The following ANKRD26 variants were observed in gnomAD, a reference collection of about 807,000 sequenced individuals.
ANKRD26 encodes ankyrin repeat domain 26.
Under a neutral mutation model 208.7 loss-of-function variants are expected in ANKRD26, and 141 were observed. The observed-to-expected ratio is 0.68, with a 90% CI of 0.59 to 0.78. The LOEUF is 0.78. ANKRD26 is among the 30% of genes least tolerant of loss of function. ANKRD26 has a pLI of 0.00. For missense variants in ANKRD26, 1,889 were observed against 1,938.7 expected, an observed-to-expected ratio of 0.97 and a Z score of 0.48; for synonymous variants, 636 against 660.4, an observed-to-expected ratio of 0.96 and a Z score of 0.57.
rs535746916 is a variant in ANKRD26 at position 27,029,697 on chromosome 10, C to T, written c.3808-341G>A. Among the ~76,000 whole-genome samples the T allele has an allele frequency of 6.6e-5, 10 of 152,182 alleles. No homozygotes were observed. The East Asian group carries it at 1.9e-3, about 29-fold the overall frequency. On this transcript the variant is annotated intron_variant, in intron 25 of 33. Coordinates refer to ENST00000376087, the MANE Select transcript of ANKRD26 (RefSeq NM_014915.3). ...AAAATGTAGAAAGATAGGAAATTAC[C>T]TTACGATAAGCATTTATATTTTTGC...
chr10:27,082,586 TG>T (rs1330969591), intron 6 of ANKRD26, among the ~76,000 whole-genome samples: 7 of 152,174 alleles, frequency 4.6e-5, no homozygotes, highest in Non-Finnish European at 1.0e-4. Flanking sequence ...GGTCAAATCA[TG>T]GGTCAGCTGC....
At chr10:27,050,140 A>C (rs2054596228) in intron 16 of ANKRD26, among the ~76,000 whole-genome samples, 1 of 145,634 alleles carries the variant, frequency 6.9e-6, no homozygotes, top group Non-Finnish European at 1.5e-5. Context: ...TAATTGCTTG[A>C]ACCCGGGAGG....
chr10:27,071,420 C>A (rs1387503824), intron 9 of ANKRD26, among the ~76,000 whole-genome samples: 1 of 151,550 alleles, frequency 6.6e-6, no homozygotes, highest in African/African-American at 2.4e-5. Flanking sequence ...GTGATCCGCC[C>A]GCCTCGGCTT....
At chr10:27,069,315 C>T (rs2055392961) in intron 9 of ANKRD26, among the ~76,000 whole-genome samples, 1 of 151,840 alleles carries the variant, frequency 6.6e-6, no homozygotes, top group African/African-American at 2.4e-5. Flanking sequence ...AAGATTTCTC[C>T]TGCTTCAATG....
At chr10:26,988,282 T>C (rs2134653053), downstream of ANKRD26, among the ~76,000 whole-genome samples, 1 of 152,310 alleles carries the variant, frequency 6.6e-6, no homozygotes, top group Middle Eastern at 3.4e-3. Flanking sequence ...AATACTCAGT[T>C]CTTTGATGGA....
the ANKRD26 span, among the ~76,000 whole-genome samples, chr10:26,968,415 C>T: frequency 6.6e-6 from 1 of 152,194 alleles, no homozygotes; most frequent in South Asian, 2.1e-4. Flanking sequence ...CTGTGGATTC[C>T]ACAGCCCCTG....
intron 11 of ANKRD26, among the ~76,000 whole-genome samples, chr10:27,064,347 C>T (rs1327837966): frequency 6.6e-6 from 1 of 152,006 alleles, no homozygotes; most frequent in Non-Finnish European, 1.5e-5. Context: ...TATTAACAGA[C>T]AAAATATTAA....
chr10:27,061,083 T>C, intron 13 of ANKRD26, 61 bp downstream of exon 13: 1 of 1,216,098 alleles, frequency 8.2e-7, no homozygotes, highest in Non-Finnish European at 1.2e-6. Context: ...TCTGAATTGA[T>C]CAGCTTGGAT....
chr10:26,963,903 GTTTTTTTT>G, the ANKRD26 span, among the ~76,000 whole-genome samples: 1 of 71,850 alleles, frequency 1.4e-5, no homozygotes, highest in Non-Finnish European at 2.3e-5. Flanking sequence ...TGGTTGGTTG[GTTTTTTTT>G]TTTTTTTTTT....
downstream of ANKRD26, among the ~76,000 whole-genome samples, chr10:26,969,817 T>G (rs1277020668): frequency 3.3e-5 from 5 of 152,028 alleles, no homozygotes; most frequent in East Asian, 5.8e-4. Flanking sequence ...TTCTGTTTTT[T>G]TTTTTTTTTT....
intron 16 of ANKRD26, chr10:27,051,766 C>T (rs1416492064): frequency 2.0e-6 from 2 of 985,162 alleles, no homozygotes; most frequent in Non-Finnish European, 1.2e-6. Flanking sequence ...TCATCGCAAT[C>T]AAGTATATTA....
chr10:27,093,781 G>C lies in ANKRD26; in HGVS notation c.261C>G (p.Ala87=), dbSNP rs755986049. 1 of 1,614,042 alleles carries C rather than the reference G, an allele frequency of 6.2e-7. No individual in the cohort carries two copies. Among genetic ancestry groups the C allele is most frequent in the African/African-American group, 1.3e-5 (1 of 74,940 alleles). The part of the protein sequence containing the change: ...DKMNRTALHL[A]CANGHPEVVT... ...CTACTTCTGGATGACCATTGGCACA[G>C]GCCAAATGTAGAGCCGTCCTATGAG... The change falls in exon 2 of 34, where the codon GCC becomes GCG. Residue 87 remains alanine (A), a synonymous_variant. Transcript: ENST00000376087.
chr10:26,999,225 T>TA (rs1245711883), downstream of ANKRD26, among the ~76,000 whole-genome samples: 2 of 152,204 alleles, frequency 1.3e-5, no homozygotes, highest in South Asian at 2.1e-4. Context: ...CATTGTAACT[T>TA]AGAGTCTGCT....
At chr10:27,093,032 T>A (rs2056349833) in intron 3 of ANKRD26, among the ~76,000 whole-genome samples, 2 of 151,614 alleles carry the variant, frequency 1.3e-5, no homozygotes. Flanking sequence ...GAGGTTGCAG[T>A]GAGCCGAGAT....
intron 17 of ANKRD26, 119 bp downstream of exon 17, chr10:27,048,682 A>T: frequency 1.0e-6 from 1 of 984,822 alleles, no homozygotes; most frequent in Non-Finnish European, 1.5e-6. Flanking sequence ...TTGCAAGGCA[A>T]GGTTGCATAT....
At chr10:27,084,212 A>G (rs997192606) in intron 5 of ANKRD26, among the ~76,000 whole-genome samples, 1 of 135,202 alleles carries the variant, frequency 7.4e-6, no homozygotes, top group Admixed American at 7.2e-5. Flanking sequence ...GAGCAAAACT[A>G]CATCTCAAAA....
intron 5 of ANKRD26, among the ~76,000 whole-genome samples, chr10:26,980,261 C>T (rs542561510): frequency 6.6e-6 from 1 of 152,328 alleles, no homozygotes; most frequent in Admixed American, 6.5e-5. Context: ...AGAGCAGTGG[C>T]TCATGCCTTG....
At chr10:27,051,956 C>T in intron 16 of ANKRD26, 3 of 985,292 alleles carry the variant, frequency 3.0e-6, no homozygotes, top group Non-Finnish European at 3.6e-6. Context: ...CTTGTTTGGT[C>T]CACATTTCTT....
At chr10:27,015,337 C>T (rs942438791) in intron 30 of ANKRD26, among the ~76,000 whole-genome samples, 1 of 152,182 alleles carries the variant, frequency 6.6e-6, no homozygotes, top group Non-Finnish European at 1.5e-5. Flanking sequence ...AGTAATTCTA[C>T]CTGCTGGAGC....
Sources: gnomAD v4.1 joint callset for allele counts (sites outside exome capture counted in the v4.1 genomes callset) on GRCh38, gnomAD v4.1.1 for gene constraint, MANE v1.5 for transcripts, NCBI Gene and HGNC (gene_info 2026-07-23, HGNC 2026-07-21) for gene names.